Variants in MEIS1 observed in about 807,000 individuals in gnomAD.
MEIS1 encodes homeobox protein Meis1.
A neutral mutation model predicts 50.8 loss-of-function variants in MEIS1; 5 were observed. That is an observed-to-expected ratio of 0.10 (90% CI 0.05 to 0.21). MEIS1 has a LOEUF of 0.21. MEIS1 is among the 10% of genes least tolerant of loss of function. The pLI, the probability that MEIS1 is intolerant of heterozygous loss-of-function variation, is 1.00. For missense variants in MEIS1, 318 were observed against 517.3 expected (o/e 0.61, Z 3.74); for synonymous variants, 176 against 179.3 (o/e 0.98, Z 0.15).
At chr2:66,461,343 A>G (rs1672514063) in intron 6 of MEIS1, among the ~76,000 whole-genome samples, 1 of 152,188 alleles carries the variant, frequency 6.6e-6, no homozygotes, top group African/African-American at 2.4e-5. Context: ...TATTTATACT[A>G]GAAGAGTTCA....
At chr2:66,557,689 G>C (rs747493185) in intron 9 of MEIS1, among the ~76,000 whole-genome samples, 5 of 152,126 alleles carry the variant, frequency 3.3e-5, no homozygotes, top group Admixed American at 6.5e-5. Context: ...TTTATCAGTG[G>C]ATGGGCATTT....
At chr2:66,475,347 TA>T in intron 7 of MEIS1, among the ~76,000 whole-genome samples, 1 of 147,178 alleles carries the variant, frequency 6.8e-6, no homozygotes, top group East Asian at 1.9e-4. Flanking sequence ...TATATATTTA[TA>T]TATGCATAAA....
In MEIS1 at chr2:66,528,377, G is replaced by A. The variant is rs373591070; in HGVS notation, c.888+16083G>A. ...CCAATGCTTTATTATTCTAATAAAAGCAAGGAAGGTACAGTGGTAAGAAAG... is the reference window on the plus strand; with the variant it reads ...CCAATGCTTTATTATTCTAATAAAAACAAGGAAGGTACAGTGGTAAGAAAG... On this transcript the variant is annotated intron_variant, in intron 8 of 12. Transcript: ENST00000272369. 5.9e-5 allele frequency among the ~76,000 whole-genome samples: 9 copies of A among 152,176 alleles called. No individual in the cohort carries two copies. In the East Asian group the frequency reaches 1.7e-3, roughly 30 times the overall value.
intron 7 of MEIS1, among the ~76,000 whole-genome samples, chr2:66,473,397 AATATAT>A (rs1553373466): frequency 1.4e-4 from 15 of 107,596 alleles, no homozygotes; most frequent in African/African-American, 6.4e-4. Context: ...AAAAAAAAAA[AATATAT>A]ATATATATAT....
Position 66,568,672 on chromosome 2 carries a change from C to A in MEIS1, c.1030C>A (p.Gln344Lys). ...CACATTCTGTACTTTTGTAGTAAGT[C>A]AAGGAACACCTTATAATCCTGATGG... ...MIDQSNRAVS[Q>K]GTPYNPDGQP... The change falls in exon 11 of 13, where the codon CAA becomes AAA. Residue 344 changes from glutamine (Q) to lysine (K), a missense_variant. Transcript: ENST00000272369. 2 of 1,613,352 alleles carry A rather than the reference C, an allele frequency of 1.2e-6. No individual in the cohort carries two copies. The highest frequency in any genetic ancestry group is 2.2e-5 in the South Asian group (2 of 91,064).
At position 66,512,030 on chromosome 2, in the gene MEIS1, A is replaced by G. The variant is rs147871944; in HGVS notation, c.743-119A>G. 1,359 of 1,190,608 alleles carry G rather than the reference A, an allele frequency of 1.1e-3. 11 individuals carry two copies. The African/African-American group carries it at 0.019, about 17-fold the overall frequency. 73.8% of individuals were successfully genotyped at this position (1,190,608 alleles called of 1,614,324 possible). A position where few individuals can be genotyped will look rare whatever the true frequency, so the allele number is the denominator to read the frequency against. On this transcript the variant is annotated intron_variant, in intron 7 of 12. Transcript: ENST00000272369. The stretch of plus-strand genomic sequence containing the variant: ...CAAAACACAACAAAAAAACAGTACC[A>G]AAGAAACTATTAATCATTTAAATTT...
chr2:66,563,958 C>A (rs1329144379), intron 9 of MEIS1, among the ~76,000 whole-genome samples: 2 of 152,064 alleles, frequency 1.3e-5, no homozygotes, highest in African/African-American at 4.8e-5. Flanking sequence ...AAATATTTTG[C>A]TATTTACTTT....
chr2:66,571,655 A>T lies in MEIS1; in HGVS notation c.*447A>T. ...GGAGCATCCCTAATTCTTCATAGGG[A>T]CCTTTAAAAAGCAGGAAATACCAAC... On this transcript the variant is annotated 3_prime_UTR_variant, in exon 13 of 13. Coordinates refer to ENST00000272369, the MANE Select transcript of MEIS1 (RefSeq NM_002398.3). 8.7e-7 allele frequency: 1 copy of T among 1,151,320 alleles called. No homozygotes were observed. Among genetic ancestry groups the T allele is most frequent in the Non-Finnish European group, 1.2e-6 (1 of 817,870 alleles). The allele number at this position is 1,151,320 out of a possible 1,614,324, so 71.3% of individuals were successfully genotyped here.
At chr2:66,523,621 G>A (rs2103877831) in intron 8 of MEIS1, among the ~76,000 whole-genome samples, 1 of 152,238 alleles carries the variant, frequency 6.6e-6, no homozygotes, top group Admixed American at 6.5e-5. Flanking sequence ...CACTCTATGT[G>A]GAAACCAAAT....
chr2:66,453,908 C>G (rs1027328655), intron 6 of MEIS1, among the ~76,000 whole-genome samples: 4 of 151,824 alleles, frequency 2.6e-5, no homozygotes, highest in South Asian at 2.1e-4. Flanking sequence ...TTCAGAAACA[C>G]TTGAGACTAA....
At position 66,469,191 on chromosome 2, in the gene MEIS1, TA is replaced by T. The variant is rs201295252; in HGVS notation, c.742+4983del. 1.2e-3 allele frequency among the ~76,000 whole-genome samples: 169 copies of T among 144,708 alleles called. 1 individual carries two copies. Among genetic ancestry groups the T allele is most frequent in the Non-Finnish European group, 1.1e-3 (70 of 65,330 alleles). The allele number at this position is 144,708 out of a possible 152,430, so 94.9% of individuals were successfully genotyped here. ...GACTCAGAATAACAATAGTACCACT[TA>T]AAAAAAAAAAAGCAAAACCAGCATG... On this transcript the variant is annotated intron_variant, in intron 7 of 12. Transcript: ENST00000272369.
At chr2:66,517,444 C>T (rs1433279873) in intron 8 of MEIS1, among the ~76,000 whole-genome samples, 1 of 151,912 alleles carries the variant, frequency 6.6e-6, no homozygotes, top group Non-Finnish European at 1.5e-5. Context: ...GTCCATGTAC[C>T]CTATCAAAAA....
At chr2:66,469,204 G>A (rs1672711535) in intron 7 of MEIS1, among the ~76,000 whole-genome samples, 1 of 144,490 alleles carries the variant, frequency 6.9e-6, no homozygotes, top group South Asian at 2.2e-4. Context: ...AAAAAAAAAA[G>A]CAAAACCAGC....
At position 66,571,463 on chromosome 2, in the gene MEIS1, C is replaced by G. The variant is rs79714963; in HGVS notation, c.*255C>G. ...CTGGAATGCCAATGTCAGCATCAAG[C>G]CCCACAGTTCTTAATACAGGAGACC... On this transcript the variant is annotated 3_prime_UTR_variant, in exon 13 of 13. Coordinates refer to ENST00000272369, the MANE Select transcript of MEIS1 (RefSeq NM_002398.3). 6.2e-7 allele frequency: 1 copy of G among 1,600,946 alleles called. No homozygotes were observed. The highest frequency in any genetic ancestry group is 8.5e-7 in the Non-Finnish European group (1 of 1,173,928).
chr2:66,435,981 C>T, intron 1 of MEIS1, 113 bp downstream of exon 1: 1 of 905,814 alleles, frequency 1.1e-6, no homozygotes, highest in Non-Finnish European at 1.6e-6. Flanking sequence ...AAAAATGAGG[C>T]TCCTAAAGCC....
chr2:66,439,753 T>C (rs1671907344), intron 2 of MEIS1, 90 bp from the exon 3 acceptor site: 11 of 1,604,236 alleles, frequency 6.9e-6, no homozygotes, highest in Non-Finnish European at 9.4e-6. Flanking sequence ...TCTGTTCCTC[T>C]TGCTCCTCCA....
rs70943701 is a variant in MEIS1, at chr2:66,495,080, C to CTTTTTTTTTTTTTTTTTTTT, written c.743-17060_743-17041dup. Among the ~76,000 whole-genome samples, 2 of 91,492 alleles carry CTTTTTTTTTTTTTTTTTTTT rather than the reference C, an allele frequency of 2.2e-5. 1 individual carries two copies. 60.0% of individuals were successfully genotyped at this position (91,492 alleles called of 152,430 possible). The stretch of plus-strand genomic sequence containing the variant: ...GAATGCCCACTTTCCCTCTTCTGAC[C>CTTTTTTTTTTTTTTTTTTTT]TTTTTTTTTTTTTTTTTTTTTTTTT... On this transcript the variant is annotated intron_variant, in intron 7 of 12. Transcript: ENST00000272369.
At chr2:66,551,562 G>A (rs1331195775) in intron 9 of MEIS1, among the ~76,000 whole-genome samples, 2 of 152,050 alleles carry the variant, frequency 1.3e-5, no homozygotes. Flanking sequence ...TGTGGGCCAA[G>A]TCTATGCCAA....
intron 8 of MEIS1, among the ~76,000 whole-genome samples, chr2:66,543,336 GAA>G (rs903460332): frequency 4.5e-4 from 68 of 152,290 alleles, no homozygotes; most frequent in African/African-American, 1.6e-3. Context: ...AGAAATACAT[GAA>G]GAGTGGCAAG....
Sources: allele counts gnomAD v4.1 joint callset (sites outside exome capture counted in the v4.1 genomes callset), GRCh38; gene constraint gnomAD v4.1.1; transcripts MANE v1.5; gene names NCBI Gene and HGNC (gene_info 2026-07-23, HGNC 2026-07-21).